AOPEP: variants seen among roughly 807,000 people sequenced by gnomAD.
AOPEP encodes aminopeptidase O (putative), also known as aminopeptidase O.
Under a neutral mutation model 98.1 loss-of-function variants are expected in AOPEP, and 77 were observed. The ratio of observed to expected loss-of-function variants is 0.78; its 90% confidence interval spans 0.65 to 0.95. The LOEUF (loss-of-function observed/expected upper bound fraction) is 0.95. Ranked by LOEUF, AOPEP falls within the 40% of genes least tolerant of loss-of-function variation. The probability of loss-of-function intolerance (pLI) is 0.00; values close to 1 mark genes in which losing one functional copy is unlikely to be tolerated. For missense variants in AOPEP, 1,024 were observed against 1,024.7 expected (o/e 1.00, Z 0.01); for synonymous variants, 346 against 365.3 (o/e 0.95, Z 0.60).
chr9:94,838,121 G>A (rs986542299), intron 5 of AOPEP, among the ~76,000 whole-genome samples: 1 of 152,008 alleles, frequency 6.6e-6, no homozygotes, highest in Non-Finnish European at 1.5e-5. Context: ...CCATTCTCCT[G>A]CCTCAGCCTC....
chr9:94,822,009 A>ACACG (rs1554726862), intron 5 of AOPEP, among the ~76,000 whole-genome samples: 8,481 of 149,702 alleles, frequency 0.057, 281 homozygotes, highest in East Asian at 0.077. Context: ...ACACACACAC[A>ACACG]CACGCAGGCA....
the AOPEP span, among the ~76,000 whole-genome samples, chr9:95,108,359 C>G: frequency 6.6e-6 from 1 of 152,246 alleles, no homozygotes; most frequent in Non-Finnish European, 1.5e-5. Flanking sequence ...ATGGTGTCTA[C>G]GGGAGCCCAA....
In AOPEP at chr9:94,888,675, C is replaced by G. The variant is rs72748556; in HGVS notation, c.1365-35311C>G. Among the ~76,000 whole-genome samples the G allele has an allele frequency of 5.3e-3, 802 of 152,044 alleles. 12 individuals carry two copies. The highest frequency in any genetic ancestry group is 0.045 in the South Asian group (214 of 4,808). On this transcript the variant is annotated intron_variant, in intron 5 of 16. Transcript: ENST00000375315. ...AAGTTTTTTGTAGTGGAAGGTGAGGCCTGAATGGGTTGTCCCCTATGAGGT... is the reference window on the plus strand; with the variant it reads ...AAGTTTTTTGTAGTGGAAGGTGAGGGCTGAATGGGTTGTCCCCTATGAGGT...
At chr9:95,124,665 T>C in the AOPEP span, among the ~76,000 whole-genome samples, 1 of 152,226 alleles carries the variant, frequency 6.6e-6, no homozygotes, top group Non-Finnish European at 1.5e-5. Context: ...TAATTAAGAA[T>C]GTCCAGGAGT....
chr9:94,997,223 T>C (rs1422533044), intron 11 of AOPEP, among the ~76,000 whole-genome samples: 1 of 152,198 alleles, frequency 6.6e-6, no homozygotes, highest in Non-Finnish European at 1.5e-5. Flanking sequence ...TTAGTTCTTT[T>C]TGTGTGTGTG....
At chr9:94,787,636 A>T (rs1434511720) in intron 3 of AOPEP, among the ~76,000 whole-genome samples, 1 of 152,108 alleles carries the variant, frequency 6.6e-6, no homozygotes, top group African/African-American at 2.4e-5. Context: ...CTTTCTTCTG[A>T]GTTATATTTC....
chr9:94,953,291 C>T (rs1589058325), intron 7 of AOPEP, among the ~76,000 whole-genome samples: 1 of 152,180 alleles, frequency 6.6e-6, no homozygotes, highest in Non-Finnish European at 1.5e-5. Flanking sequence ...GTTATTCTTA[C>T]AAGTGTGGGC....
intron 11 of AOPEP, among the ~76,000 whole-genome samples, chr9:94,990,693 C>T (rs1354702407): frequency 6.6e-6 from 1 of 151,936 alleles, no homozygotes; most frequent in Non-Finnish European, 1.5e-5. Flanking sequence ...GGCGTGATCT[C>T]GGCTCACTGC....
At chr9:94,944,251 A>G (rs937396640) in intron 7 of AOPEP, among the ~76,000 whole-genome samples, 2 of 151,908 alleles carry the variant, frequency 1.3e-5, no homozygotes, top group African/African-American at 4.8e-5. Flanking sequence ...ATTCCTAGCT[A>G]AATAACCAAA....
chr9:95,135,354 AATCTTT>A, the AOPEP span: 4 of 1,614,058 alleles, frequency 2.5e-6, no homozygotes, highest in Admixed American at 6.7e-5. Flanking sequence ...ACCAGCGATG[AATCTTT>A]TATAAAGCAT....
intron 13 of AOPEP, among the ~76,000 whole-genome samples, chr9:95,032,153 T>C (rs900307298): frequency 1.3e-5 from 2 of 152,210 alleles, no homozygotes; most frequent in Non-Finnish European, 2.9e-5. Context: ...AAACACACTT[T>C]ATCGTGTGTG....
In AOPEP at chr9:94,924,180, GT is replaced by G. The variant is rs2053989258; in HGVS notation, c.1554+7del. Reference sequence around the variant, plus strand: ...TTTTGGGCCACAGCACAGCAGGTGGGTTAAAGTGACCCTAAGTATTTCACTA... The same window carrying G: ...TTTTGGGCCACAGCACAGCAGGTGGGTAAAGTGACCCTAAGTATTTCACTA... On this transcript the variant is annotated splice_donor_region_variant and intron_variant, in intron 6 of 16. Coordinates refer to ENST00000375315, the MANE Select transcript of AOPEP (RefSeq NM_001193329.3). The G allele has an allele frequency of 7.3e-7, 1 of 1,365,956 alleles. No homozygotes were observed. The highest frequency in any genetic ancestry group is 9.5e-7 in the Non-Finnish European group (1 of 1,049,052). The allele number at this position is 1,365,956 out of a possible 1,614,324, so 84.6% of individuals were successfully genotyped here.
chr9:94,868,284 C>T (rs2045933307), intron 5 of AOPEP, among the ~76,000 whole-genome samples: 1 of 152,202 alleles, frequency 6.6e-6, no homozygotes. Flanking sequence ...AGAAATAGTG[C>T]AGTTCACCAG....
chr9:94,728,482 T>A (rs1829788765), intron 1 of AOPEP, among the ~76,000 whole-genome samples: 1 of 152,204 alleles, frequency 6.6e-6, no homozygotes, highest in Admixed American at 6.5e-5. Flanking sequence ...CCGAGTAGAT[T>A]TTTGACCTCA....
intron 11 of AOPEP, among the ~76,000 whole-genome samples, chr9:94,983,002 G>A (rs1175928359): frequency 6.6e-6 from 1 of 151,766 alleles, no homozygotes; most frequent in Non-Finnish European, 1.5e-5. Context: ...CTACAGAACT[G>A]CGCTTTTGTT....
chr9:94,882,908 C>T (rs72748539), intron 5 of AOPEP, among the ~76,000 whole-genome samples: 3,275 of 152,284 alleles, frequency 0.022, 88 homozygotes, highest in African/African-American at 0.058. Context: ...ATAATTTTTA[C>T]GGATAAATTT....
chr9:94,885,391 G>T (rs549258124), intron 5 of AOPEP, among the ~76,000 whole-genome samples: 17 of 61,740 alleles, frequency 2.8e-4, no homozygotes, highest in Admixed American at 4.4e-4. Context: ...AAAAAAAAAA[G>T]ACATTGTGCT....
chr9:94,805,485 TTTTTTG>T (rs974525967), intron 5 of AOPEP, among the ~76,000 whole-genome samples: 4 of 147,190 alleles, frequency 2.7e-5, no homozygotes, highest in African/African-American at 1.1e-4. Context: ...TTGTTTTTTG[TTTTTTG>T]TTTTTTTTTT....
At chr9:95,032,572 A>G (rs1024916548) in intron 13 of AOPEP, among the ~76,000 whole-genome samples, 1 of 152,234 alleles carries the variant, frequency 6.6e-6, no homozygotes, top group African/African-American at 2.4e-5. Context: ...TTGGGTGTAC[A>G]GTGGGCTAGT....
Sources: allele counts gnomAD v4.1 joint callset (sites outside exome capture counted in the v4.1 genomes callset), GRCh38; gene constraint gnomAD v4.1.1; transcripts MANE v1.5; gene names NCBI Gene and HGNC (gene_info 2026-07-23, HGNC 2026-07-21).